ANKFN1: variants seen among roughly 807,000 people sequenced by gnomAD.
The protein encoded by ANKFN1 is ankyrin repeat and fibronectin type-III domain-containing protein 1.
A neutral mutation model predicts 108.7 loss-of-function variants in ANKFN1; 74 were observed. That is an observed-to-expected ratio of 0.68 (90% CI 0.56 to 0.83). ANKFN1 has a LOEUF of 0.83. ANKFN1 is among the 40% of genes least tolerant of loss of function. The probability of loss-of-function intolerance (pLI) is 0.00; values close to 1 mark genes in which losing one functional copy is unlikely to be tolerated. For missense variants in ANKFN1, 1,505 were observed against 1,382.3 expected, an observed-to-expected ratio of 1.09 and a Z score of -1.41; for synonymous variants, 547 against 516.2, an observed-to-expected ratio of 1.06 and a Z score of -0.81.
Position 56,457,300 on chromosome 17 carries a change from T to G in ANKFN1, c.1351T>G (p.Leu451Val), listed in dbSNP as rs775726369. 1.9e-6 allele frequency: 3 copies of G among 1,601,530 alleles called. No individual in the cohort carries two copies. Among genetic ancestry groups the G allele is most frequent in the Non-Finnish European group, 2.6e-6 (3 of 1,172,036 alleles). The part of the protein sequence containing the change: ...AVIFYYKDNI[L>V]VTNEDQVPIV... ...TATATTTTATTACAAAGACAATATC[T>G]TAGTCACCAATGAAGATCAAGTACC... Residue 451 changes from leucine to valine, a missense_variant, in exon 13 of 21, where the codon TTA (leucine) becomes GTA (valine). Physicochemically the swap from Leu to Val is conservative, Grantham distance 32. Transcript: ENST00000682825.
intron 19 of ANKFN1, among the ~76,000 whole-genome samples, chr17:56,498,194 T>C (rs999723529): frequency 6.6e-6 from 1 of 152,162 alleles, no homozygotes; most frequent in Non-Finnish European, 1.5e-5. Context: ...TTTTGAACTT[T>C]AGAAGCCCTT....
chr17:56,156,136 G>A (rs1909092283), intron 1 of ANKFN1, among the ~76,000 whole-genome samples: 2 of 149,594 alleles, frequency 1.3e-5, no homozygotes, highest in South Asian at 4.2e-4. Flanking sequence ...CTGGAGTGCA[G>A]TGGTGCAATC....
chr17:56,120,016 T>C (rs980383118), intron 4 of ANKFN1, among the ~76,000 whole-genome samples: 1 of 152,178 alleles, frequency 6.6e-6, no homozygotes, highest in Non-Finnish European at 1.5e-5. Flanking sequence ...GGATGTTGTT[T>C]CCATTAATCT....
chr17:56,319,113 C>G (rs1043952717), intron 3 of ANKFN1, among the ~76,000 whole-genome samples: 1 of 152,062 alleles, frequency 6.6e-6, no homozygotes, highest in Non-Finnish European at 1.5e-5. Flanking sequence ...GAGGGGTCTG[C>G]CTAAAATTGA....
intron 4 of ANKFN1, among the ~76,000 whole-genome samples, chr17:56,105,373 C>T (rs1329493491): frequency 6.6e-6 from 1 of 152,096 alleles, no homozygotes. Context: ...CTGCTAGCTA[C>T]CCCTGCACAC....
At chr17:56,262,245 C>T (rs1259374531) in intron 3 of ANKFN1, among the ~76,000 whole-genome samples, 1 of 152,194 alleles carries the variant, frequency 6.6e-6, no homozygotes, top group Non-Finnish European at 1.5e-5. Flanking sequence ...CAGTCACCAG[C>T]CTCTTCCTTC....
intron 1 of ANKFN1, 34 bp downstream of exon 1, chr17:56,153,564 G>A: frequency 6.2e-7 from 1 of 1,612,392 alleles, no homozygotes; most frequent in Non-Finnish European, 8.5e-7. Flanking sequence ...ATCGGTAATT[G>A]GTGTTTGGAG....
At chr17:56,101,815 A>G (rs1268929524) in intron 4 of ANKFN1, among the ~76,000 whole-genome samples, 1 of 152,210 alleles carries the variant, frequency 6.6e-6, no homozygotes, top group Non-Finnish European at 1.5e-5. Context: ...GCATCAGAAT[A>G]CCTGAAGCTC....
At chr17:56,091,604 T>C (rs1470485012) in intron 4 of ANKFN1, among the ~76,000 whole-genome samples, 1 of 151,472 alleles carries the variant, frequency 6.6e-6, no homozygotes, top group Non-Finnish European at 1.5e-5. Context: ...TGTTTTTCTC[T>C]GAAAAGAAGT....
At chr17:56,481,158 A>T (rs964516267) in intron 17 of ANKFN1, among the ~76,000 whole-genome samples, 1 of 152,096 alleles carries the variant, frequency 6.6e-6, no homozygotes, top group Admixed American at 6.6e-5. Flanking sequence ...AGATAGCATA[A>T]AGCAAAGAGA....
At chr17:56,079,896 GAC>G (rs1215259338) in intron 4 of ANKFN1, among the ~76,000 whole-genome samples, 4 of 152,130 alleles carry the variant, frequency 2.6e-5, no homozygotes, top group Admixed American at 1.3e-4. Flanking sequence ...TAGGCTAAAA[GAC>G]ACATAAGAGG....
At chr17:56,449,211 C>G in intron 11 of ANKFN1, 25 bp downstream of exon 11, 1 of 1,594,888 alleles carries the variant, frequency 6.3e-7, no homozygotes, top group Non-Finnish European at 8.6e-7. Flanking sequence ...CTGTGCTGGG[C>G]CATCAACTGA....
At chr17:56,282,291 TTTG>T (rs1465778623) in intron 3 of ANKFN1, among the ~76,000 whole-genome samples, 1 of 150,486 alleles carries the variant, frequency 6.6e-6, no homozygotes, top group Non-Finnish European at 1.5e-5. Flanking sequence ...TGTGTGTGTG[TTTG>T]TGTGTGTGTG....
intron 3 of ANKFN1, among the ~76,000 whole-genome samples, chr17:56,282,565 T>A (rs2044111541): frequency 6.6e-6 from 1 of 152,146 alleles, no homozygotes; most frequent in South Asian, 2.1e-4. Flanking sequence ...CAAAGATGAG[T>A]TTGAAATGAT....
intron 3 of ANKFN1, among the ~76,000 whole-genome samples, chr17:56,269,961 A>G (rs558480727): frequency 2.0e-4 from 31 of 152,288 alleles, no homozygotes; most frequent in African/African-American, 4.6e-4. Flanking sequence ...TTTCTGATTC[A>G]TTTACACTTA....
intron 7 of ANKFN1, among the ~76,000 whole-genome samples, chr17:56,373,177 A>C (rs1311052303): frequency 6.6e-6 from 1 of 152,108 alleles, no homozygotes; most frequent in Non-Finnish European, 1.5e-5. Flanking sequence ...TGGGATAGGG[A>C]GGTGGAAAAA....
intron 4 of ANKFN1, among the ~76,000 whole-genome samples, chr17:56,052,936 T>G (rs1319662994): frequency 6.6e-6 from 1 of 152,000 alleles, no homozygotes; most frequent in Non-Finnish European, 1.5e-5. Flanking sequence ...AGCTCCAGAG[T>G]CTGCATTCTT....
intron 6 of ANKFN1, among the ~76,000 whole-genome samples, chr17:56,365,593 G>A (rs944808641): frequency 3.3e-5 from 5 of 152,122 alleles, no homozygotes; most frequent in African/African-American, 7.2e-5. Context: ...CTTTTACCAC[G>A]TTGCTTGCAG....
At chr17:56,505,890 A>G (rs1292916119) in intron 20 of ANKFN1, among the ~76,000 whole-genome samples, 1 of 152,166 alleles carries the variant, frequency 6.6e-6, no homozygotes, top group Non-Finnish European at 1.5e-5. Flanking sequence ...CAAAATACAG[A>G]CAGATTTTGC....
Sources: gnomAD v4.1 joint callset for allele counts (sites outside exome capture counted in the v4.1 genomes callset) on GRCh38, gnomAD v4.1.1 for gene constraint, MANE v1.5 for transcripts, NCBI Gene and HGNC (gene_info 2026-07-23, HGNC 2026-07-21) for gene names.